ZNF420: variants seen among roughly 807,000 people sequenced by gnomAD.
ZNF420 encodes the protein zinc finger protein 420.
ZNF420 carries 31 observed loss-of-function variants against 44.7 expected under a neutral mutation model. The observed-to-expected ratio is 0.69, with a 90% CI of 0.52 to 0.94. The LOEUF (loss-of-function observed/expected upper bound fraction) is 0.94. ZNF420 is among the 40% of genes least tolerant of loss of function. ZNF420 has a pLI of 0.00. For synonymous variants in ZNF420, 245 were observed against 267.4 expected (o/e 0.92, Z 0.82); for missense variants, 681 against 827.9 (o/e 0.82, Z 2.18).
intron 4 of ZNF420, among the ~76,000 whole-genome samples, chr19:37,116,804 A>G (rs1378851423): frequency 6.6e-6 from 1 of 152,182 alleles, no homozygotes; most frequent in African/African-American, 2.4e-5. Context: ...CCAGGAGATT[A>G]TATCCCACAC....
At chr19:37,087,945 G>T (rs111334007) in intron 2 of ZNF420, among the ~76,000 whole-genome samples, 2 of 152,204 alleles carry the variant, frequency 1.3e-5, no homozygotes, top group South Asian at 2.1e-4. Context: ...GCACCCGGCC[G>T]ATTTCTAGCT....
chr19:37,010,040 G>A (rs1401852998), intron 1 of ZNF420, among the ~76,000 whole-genome samples: 1 of 152,210 alleles, frequency 6.6e-6, no homozygotes, highest in East Asian at 1.9e-4. Context: ...CTGAGTTCCA[G>A]GAGCAGAGCA....
At position 37,128,795 on chromosome 19, in the gene ZNF420, C is replaced by T. The variant is rs1486431306; in HGVS notation, c.1804C>T (p.Leu602Phe). 9.3e-6 allele frequency: 15 copies of T among 1,613,584 alleles called. No individual in the cohort carries two copies. The highest frequency in any genetic ancestry group is 1.3e-5 in the Non-Finnish European group (15 of 1,179,912). ...CGKAFSHGSQ[L>F]TLHQRIHTGE... The stretch of plus-strand genomic sequence containing the variant: ...CAAGGCCTTTAGTCATGGCTCTCAG[C>T]TTACTCTACATCAGAGAATCCATAC... The change falls in exon 5 of 5, where the codon CTT becomes TTT. Residue 602 changes from leucine (L) to phenylalanine (F), a missense_variant. Physicochemically the swap from Leu to Phe is conservative, Grantham distance 22 (BLOSUM62 0). This residue lies in a region of ZNF420 where 280 missense variants were observed against 338.6 expected (regional missense o/e 0.83). Coordinates refer to ENST00000337995, the MANE Select transcript of ZNF420 (RefSeq NM_144689.5).
intron 1 of ZNF420, among the ~76,000 whole-genome samples, chr19:37,048,046 G>C (rs1421823090): frequency 1.3e-5 from 2 of 152,122 alleles, no homozygotes; most frequent in Admixed American, 1.3e-4. Context: ...CACAACATTT[G>C]GGGAGCTTTG....
chr19:37,025,770 C>CTTTTTT (rs67671586), intron 1 of ZNF420, among the ~76,000 whole-genome samples: 1 of 129,478 alleles, frequency 7.7e-6, no homozygotes, highest in Non-Finnish European at 1.6e-5. Context: ...TTAAACCTGT[C>CTTTTTT]TTTTTTTTTT....
intron 1 of ZNF420, among the ~76,000 whole-genome samples, chr19:37,041,413 A>G (rs1967450970): frequency 6.6e-6 from 1 of 152,148 alleles, no homozygotes; most frequent in Admixed American, 6.5e-5. Flanking sequence ...ACAGTCAATT[A>G]TTATGAGTGA....
intron 1 of ZNF420, among the ~76,000 whole-genome samples, chr19:37,063,945 C>A (rs1319324666): frequency 6.6e-6 from 1 of 152,186 alleles, no homozygotes; most frequent in East Asian, 1.9e-4. Context: ...GATACAGTTT[C>A]TCAGTCTTGC....
At chr19:37,010,433 C>A (rs148094049) in intron 1 of ZNF420, among the ~76,000 whole-genome samples, 7 of 152,016 alleles carry the variant, frequency 4.6e-5, no homozygotes, top group African/African-American at 1.4e-4. Context: ...GAATCGTTCT[C>A]GCAAAGAGCA....
chr19:37,057,014 G>A (rs897428218), intron 1 of ZNF420, among the ~76,000 whole-genome samples: 4 of 152,222 alleles, frequency 2.6e-5, no homozygotes, highest in Non-Finnish European at 5.9e-5. Flanking sequence ...TGCGCGAAGC[G>A]CCAGCCAATT....
chr19:37,059,123 C>T (rs985333489), intron 1 of ZNF420, among the ~76,000 whole-genome samples: 8 of 152,200 alleles, frequency 5.3e-5, no homozygotes, highest in African/African-American at 9.6e-5. Context: ...CCAGCAGGCG[C>T]CCTGAAGCTC....
upstream of ZNF420, among the ~76,000 whole-genome samples, chr19:37,077,633 A>G (rs1968191748): frequency 6.6e-6 from 1 of 152,204 alleles, no homozygotes; most frequent in Non-Finnish European, 1.5e-5. Flanking sequence ...ACTTGGCCAT[A>G]GTATTTTCAC....
chr19:37,017,613 CCATT>C (rs1397936660), intron 1 of ZNF420, among the ~76,000 whole-genome samples: 1 of 152,126 alleles, frequency 6.6e-6, no homozygotes, highest in Non-Finnish European at 1.5e-5. Flanking sequence ...ATTTCAAAAA[CCATT>C]CATGATTTTT....
At chr19:37,119,848 A>G (rs1970923193) in intron 4 of ZNF420, among the ~76,000 whole-genome samples, 1 of 152,218 alleles carries the variant, frequency 6.6e-6, no homozygotes, top group Non-Finnish European at 1.5e-5. Flanking sequence ...AAACACCTCT[A>G]TGCAAATAAA....
chr19:37,013,761 C>T (rs1336435010), intron 1 of ZNF420, among the ~76,000 whole-genome samples: 2 of 152,168 alleles, frequency 1.3e-5, no homozygotes. Context: ...TCTCCTTGGA[C>T]GGAGCAATGG....
At chr19:37,072,023 T>C (rs1968067321) in intron 1 of ZNF420, among the ~76,000 whole-genome samples, 1 of 152,198 alleles carries the variant, frequency 6.6e-6, no homozygotes, top group African/African-American at 2.4e-5. Context: ...TCCAATGGAC[T>C]GGAGCCTCTA....
intron 3 of ZNF420, 57 bp downstream of exon 3, chr19:37,089,184 G>T: frequency 6.8e-7 from 1 of 1,475,632 alleles, no homozygotes; most frequent in Non-Finnish European, 9.5e-7. Context: ...GCATGTGTGT[G>T]TTTGTATTCC....
At chr19:37,057,330 G>T (rs1248803374) in intron 1 of ZNF420, among the ~76,000 whole-genome samples, 1 of 152,214 alleles carries the variant, frequency 6.6e-6, no homozygotes, top group Non-Finnish European at 1.5e-5. Flanking sequence ...CTGCCTGTGT[G>T]TCCATAGGCT....
At chr19:37,120,204 A>T (rs1320718323) in intron 4 of ZNF420, among the ~76,000 whole-genome samples, 1 of 152,238 alleles carries the variant, frequency 6.6e-6, no homozygotes, top group Non-Finnish European at 1.5e-5. Flanking sequence ...CCTGATGAAC[A>T]TTGATGCAAA....
intron 4 of ZNF420, among the ~76,000 whole-genome samples, chr19:37,095,111 TAG>T (rs989743186): frequency 2.1e-5 from 3 of 141,600 alleles, no homozygotes; most frequent in African/African-American, 5.3e-5. Flanking sequence ...AGCCTAGTGA[TAG>T]AGAGAGACTC....
Sources: gnomAD v4.1 joint callset for allele counts (sites outside exome capture counted in the v4.1 genomes callset) on GRCh38, gnomAD v4.1.1 for gene constraint, gnomAD v4.1.1 regional missense constraint, MANE v1.5 for transcripts, NCBI Gene and HGNC (gene_info 2026-07-23, HGNC 2026-07-21) for gene names.